AGPAT4: variants seen among roughly 807,000 people sequenced by gnomAD.
AGPAT4 encodes 1-acyl-sn-glycerol-3-phosphate acyltransferase delta.
In AGPAT4, 15 loss-of-function variants were observed where a neutral mutation model predicts 48.0. That is an observed-to-expected ratio of 0.31 (90% CI 0.21 to 0.48). The LOEUF is 0.48. Among genes scored for constraint, AGPAT4 ranks in the 20% least tolerant of loss-of-function variants. The pLI is 0.99. For missense variants in AGPAT4, 314 were observed against 482.5 expected (o/e 0.65, Z 3.27); for synonymous variants, 178 against 198.7 (o/e 0.90, Z 0.88).
chr6:161,252,304 A>T (rs985041181), intron 1 of AGPAT4, among the ~76,000 whole-genome samples: 7 of 152,198 alleles, frequency 4.6e-5, no homozygotes, highest in Non-Finnish European at 7.3e-5. Flanking sequence ...AGTAAATAAA[A>T]GTTTCACGTT....
chr6:161,186,122 T>C (rs1780761090), intron 2 of AGPAT4, among the ~76,000 whole-genome samples: 1 of 151,550 alleles, frequency 6.6e-6, no homozygotes, highest in African/African-American at 2.4e-5. Flanking sequence ...GCCACTGAGG[T>C]TGGACCTTCC....
rs1431101371 is a variant in AGPAT4 at position 161,165,719 on chromosome 6, T to C, written c.348+529A>G. 1.3e-5 allele frequency: 12 copies of C among 906,552 alleles called. No homozygotes were observed. The highest frequency in any genetic ancestry group is 2.4e-5 in the Admixed American group (1 of 42,358). The allele number at this position is 906,552 out of a possible 1,614,324, so 56.2% of individuals were successfully genotyped here. On this transcript the variant is annotated intron_variant, in intron 3 of 8. Coordinates refer to ENST00000320285, the MANE Select transcript of AGPAT4 (RefSeq NM_020133.3). This position sits in a 1 kb window ranked among gnomAD's most constrained non-coding sequence, Gnocchi z 5.5. ...GCTACGTGCAAGAGGTCAAACTAGT[T>C]GGGAAAAAAAAAAAACAGAATTTCA...
In AGPAT4 at chr6:161,214,828, T is replaced by G. The variant is rs549320540; in HGVS notation, c.178+17208A>C. ...TAGAAAAGGCACAGCAAAAATACTG[T>G]ATTACAATCTTAGCAGACACCGTTG... On this transcript the variant is annotated intron_variant, in intron 2 of 8. Coordinates refer to ENST00000320285, the MANE Select transcript of AGPAT4 (RefSeq NM_020133.3). This position sits in a 1 kb window ranked among gnomAD's most constrained non-coding sequence, Gnocchi z 5.4. 6.6e-6 allele frequency among the ~76,000 whole-genome samples: 1 copy of G among 152,254 alleles called. No homozygotes were observed. Among genetic ancestry groups the G allele is most frequent in the African/African-American group, 2.4e-5 (1 of 41,558 alleles).
chr6:161,136,398 A>G lies in AGPAT4; in HGVS notation c.*142T>C. The G allele has an allele frequency of 1.5e-6, 1 of 672,750 alleles. No homozygotes were observed. The highest frequency in any genetic ancestry group is 2.6e-6 in the Non-Finnish European group (1 of 386,374). The allele number at this position is 672,750 out of a possible 1,614,324, so 41.7% of individuals were successfully genotyped here. A position where few individuals can be genotyped will look rare whatever the true frequency, so the allele number is the denominator to read the frequency against. Reference sequence around the variant, plus strand: ...TTCCTCCCCATCCGGCCTTGAGACCAGACTCCCTGGCTGGAGAGGTCGTGA... The same window carrying G: ...TTCCTCCCCATCCGGCCTTGAGACCGGACTCCCTGGCTGGAGAGGTCGTGA... On this transcript the variant is annotated 3_prime_UTR_variant, in exon 9 of 9. Coordinates refer to ENST00000320285, the MANE Select transcript of AGPAT4 (RefSeq NM_020133.3).
Position 161,246,581 on chromosome 6 carries a change from G to T in AGPAT4, c.-89-14279C>A, listed in dbSNP as rs1374932053. ...TGCGCCACCACGCCCAGCTAATTTTGTATTTTTAGTCTAGATGGGGTTTCT... is the reference window on the plus strand; with the variant it reads ...TGCGCCACCACGCCCAGCTAATTTTTTATTTTTAGTCTAGATGGGGTTTCT... On this transcript the variant is annotated intron_variant, in intron 1 of 8. Coordinates refer to ENST00000320285, the MANE Select transcript of AGPAT4 (RefSeq NM_020133.3). This position sits in a 1 kb window ranked among gnomAD's most constrained non-coding sequence, Gnocchi z 5.5. Among the ~76,000 whole-genome samples the T allele has an allele frequency of 1.3e-5, 2 of 152,028 alleles. No individual in the cohort carries two copies. Among genetic ancestry groups the T allele is most frequent in the Admixed American group, 1.3e-4 (2 of 15,270 alleles).
rs776544227 is a variant in AGPAT4 at position 161,266,919 on chromosome 6, T to C, written c.-90+7019A>G. Among the ~76,000 whole-genome samples the C allele has an allele frequency of 2.6e-5, 4 of 152,182 alleles. No homozygotes were observed. Among genetic ancestry groups the C allele is most frequent in the Non-Finnish European group, 5.9e-5 (4 of 68,042 alleles). ...TTTCACTCCAGGATCAATTCAAGTCTCCCATTCTCATTTCAGAGTTGATCT... is the reference window on the plus strand; with the variant it reads ...TTTCACTCCAGGATCAATTCAAGTCCCCCATTCTCATTTCAGAGTTGATCT... On this transcript the variant is annotated intron_variant, in intron 1 of 8. Coordinates refer to ENST00000320285, the MANE Select transcript of AGPAT4 (RefSeq NM_020133.3). This position sits in a 1 kb window ranked among gnomAD's most constrained non-coding sequence, Gnocchi z 6.2.
chr6:161,174,678 A>AC (rs528680504), intron 2 of AGPAT4, among the ~76,000 whole-genome samples: 163 of 152,262 alleles, frequency 1.1e-3, no homozygotes, highest in African/African-American at 3.8e-3. Context: ...AACTTCCAAC[A>AC]CTATGTTGAA....
rs776452178 is a variant in AGPAT4, at chr6:161,132,834, TG to T, written c.*3705del. 20 of 152,182 alleles carry T rather than the reference TG, an allele frequency of 1.3e-4. No individual in the cohort carries two copies. Among genetic ancestry groups the T allele is most frequent in the Non-Finnish European group, 2.5e-4 (17 of 68,062 alleles). 9.4% of individuals were successfully genotyped at this position (152,182 alleles called of 1,614,324 possible). A position where few individuals can be genotyped will look rare whatever the true frequency, so the allele number is the denominator to read the frequency against. ...TTTTGGGGGGCTCTCCTAGAAGCTC[TG>T]GGGGAAGGAAGCAGTGGCCTCCTGG... On this transcript the variant is annotated 3_prime_UTR_variant, in exon 9 of 9. Transcript: ENST00000320285.
intron 2 of AGPAT4, among the ~76,000 whole-genome samples, chr6:161,211,964 G>A (rs1248760124): frequency 1.3e-5 from 2 of 152,142 alleles, no homozygotes; most frequent in Non-Finnish European, 2.9e-5. Context: ...TGGAAGAGGT[G>A]GGTGCATGAG....
chr6:161,243,214 C>T lies in AGPAT4; in HGVS notation c.-89-10912G>A, dbSNP rs929587479. 1.3e-5 allele frequency among the ~76,000 whole-genome samples: 2 copies of T among 152,046 alleles called. No individual in the cohort carries two copies. The highest frequency in any genetic ancestry group is 2.9e-5 in the Non-Finnish European group (2 of 68,012). On this transcript the variant is annotated intron_variant, in intron 1 of 8. Coordinates refer to ENST00000320285, the MANE Select transcript of AGPAT4 (RefSeq NM_020133.3). This position sits in a 1 kb window ranked among gnomAD's most constrained non-coding sequence, Gnocchi z 4.8. ...AATACTAAGCCTGTGAGGGCTGGAA[C>T]GACATGGGAGCTGGGGACAGTGAAG...
At chr6:161,185,420 A>G (rs1000221116) in intron 2 of AGPAT4, among the ~76,000 whole-genome samples, 1 of 151,618 alleles carries the variant, frequency 6.6e-6, no homozygotes, top group Admixed American at 6.6e-5. Context: ...CCTCCCAAGT[A>G]GCTGGGGCTA....
rs1780484190 is a variant in AGPAT4, at chr6:161,178,323, C to A, written c.179-11906G>T. Among the ~76,000 whole-genome samples the A allele has an allele frequency of 6.6e-6, 1 of 152,230 alleles. No individual in the cohort carries two copies. Among genetic ancestry groups the A allele is most frequent in the Non-Finnish European group, 1.5e-5 (1 of 68,038 alleles). The stretch of plus-strand genomic sequence containing the variant: ...AGCCACTTTGTTTACCTACTCAAGC[C>A]TCAGCAATGGCGGATGCCCCTCCCC... On this transcript the variant is annotated intron_variant, in intron 2 of 8. Coordinates refer to ENST00000320285, the MANE Select transcript of AGPAT4 (RefSeq NM_020133.3). This position sits in a 1 kb window ranked among gnomAD's most constrained non-coding sequence, Gnocchi z 5.1.
chr6:161,159,539 T>G lies in AGPAT4; in HGVS notation c.349-5229A>C, dbSNP rs1020735375. Among the ~76,000 whole-genome samples the G allele has an allele frequency of 1.3e-5, 2 of 152,226 alleles. No individual in the cohort carries two copies. The highest frequency in any genetic ancestry group is 2.9e-5 in the Non-Finnish European group (2 of 68,036). The stretch of plus-strand genomic sequence containing the variant: ...GTATGGGCCTGGAATCTCTGAAATC[T>G]GTCCCTAGTTATAGCAAAATGCAGA... On this transcript the variant is annotated intron_variant, in intron 3 of 8. Transcript: ENST00000320285. The surrounding 1 kb of genome is among the most constrained non-coding windows in gnomAD (Gnocchi z 4.1).
chr6:161,267,770 C>T lies in AGPAT4; in HGVS notation c.-90+6168G>A, dbSNP rs1342103556. On this transcript the variant is annotated intron_variant, in intron 1 of 8. Coordinates refer to ENST00000320285, the MANE Select transcript of AGPAT4 (RefSeq NM_020133.3). The surrounding 1 kb of genome is among the most constrained non-coding windows in gnomAD (Gnocchi z 5.2). ...TATTAGCTGGGCATGTTAGTACACACCTGTAGTCCCAGCTACTTGGGAAGC... is the reference window on the plus strand; with the variant it reads ...TATTAGCTGGGCATGTTAGTACACATCTGTAGTCCCAGCTACTTGGGAAGC... 6.6e-6 allele frequency among the ~76,000 whole-genome samples: 1 copy of T among 151,976 alleles called. No individual in the cohort carries two copies. The highest frequency in any genetic ancestry group is 2.4e-5 in the African/African-American group (1 of 41,396).
intron 2 of AGPAT4, among the ~76,000 whole-genome samples, chr6:161,228,837 CA>C (rs1782052453): frequency 6.6e-6 from 1 of 151,968 alleles, no homozygotes; most frequent in African/African-American, 2.4e-5. Flanking sequence ...CATGCCAAGC[CA>C]GCCTGACTTG....
Position 161,191,312 on chromosome 6 carries a change from G to A in AGPAT4, c.179-24895C>T, listed in dbSNP as rs756552915. ...TTCACATCCCACACTCTAACCCACT[G>A]TGCTGTGCTGCAAATTAGGAATAAG... is the stretch of plus-strand genomic sequence containing the variant. On this transcript the variant is annotated intron_variant, in intron 2 of 8. Transcript: ENST00000320285. Among the ~76,000 whole-genome samples the A allele has an allele frequency of 4.6e-5, 7 of 152,330 alleles. No homozygotes were observed. In the Middle Eastern group the frequency reaches 0.01, roughly 222 times the overall value.
rs1212760796 is a variant in AGPAT4, at chr6:161,217,145, CA to C, written c.178+14890del. 2.6e-5 allele frequency among the ~76,000 whole-genome samples: 4 copies of C among 152,168 alleles called. No homozygotes were observed. The highest frequency in any genetic ancestry group is 4.4e-5 in the Non-Finnish European group (3 of 68,042). On this transcript the variant is annotated intron_variant, in intron 2 of 8. Transcript: ENST00000320285. This position sits in a 1 kb window ranked among gnomAD's most constrained non-coding sequence, Gnocchi z 4.9. ...TGAGCAGACAGTGGAGAAGGCAAGC[CA>C]GGGGAGGGGCGGAGTGAGCACAGGC...
chr6:161,134,101 G>A lies in AGPAT4; in HGVS notation c.*2439C>T, dbSNP rs550803907. Reference sequence around the variant, plus strand: ...AGGCTGCATAACAAAATTGTTCTTCGTGGACAGGTCAAATGACTGATGAGA... The same window carrying A: ...AGGCTGCATAACAAAATTGTTCTTCATGGACAGGTCAAATGACTGATGAGA... On this transcript the variant is annotated 3_prime_UTR_variant, in exon 9 of 9. Coordinates refer to ENST00000320285, the MANE Select transcript of AGPAT4 (RefSeq NM_020133.3). 3.9e-5 allele frequency: 6 copies of A among 152,322 alleles called. No homozygotes were observed. The South Asian group carries it at 6.2e-4, about 16-fold the overall frequency. 9.4% of individuals were successfully genotyped at this position (152,322 alleles called of 1,614,324 possible). A position where few individuals can be genotyped will look rare whatever the true frequency, so the allele number is the denominator to read the frequency against.
chr6:161,265,401 T>C (rs1783223462), intron 1 of AGPAT4, among the ~76,000 whole-genome samples: 1 of 140,152 alleles, frequency 7.1e-6, no homozygotes, highest in South Asian at 2.4e-4. Context: ...GACTGGGTGC[T>C]GGATTAGTAC....
Sources: allele counts gnomAD v4.1 joint callset (sites outside exome capture counted in the v4.1 genomes callset), GRCh38; gene constraint gnomAD v4.1.1; non-coding constraint Gnocchi (gnomAD v3.1); transcripts MANE v1.5; gene names NCBI Gene and HGNC (gene_info 2026-07-23, HGNC 2026-07-21).